The following TTC6 variants were observed in gnomAD, a reference collection of about 807,000 sequenced individuals.
TTC6 encodes the protein tetratricopeptide repeat protein 6.
TTC6 carries 172 observed loss-of-function variants against 210.4 expected under a neutral mutation model. That is an observed-to-expected ratio of 0.82 (90% CI 0.72 to 0.93). The LOEUF is 0.93. Among genes scored for constraint, TTC6 ranks in the 40% least tolerant of loss-of-function variants. The pLI, the probability that TTC6 is intolerant of heterozygous loss-of-function variation, is 0.00. For missense variants in TTC6, 2,414 were observed against 2,318.1 expected (o/e 1.04, Z -0.85); for synonymous variants, 804 against 819.6 (o/e 0.98, Z 0.32).
In TTC6 at chr14:37,795,260, C is replaced by T; in HGVS notation, c.3709-10C>T. On this transcript the variant is annotated splice_polypyrimidine_tract_variant and intron_variant, in intron 17 of 30. Coordinates refer to ENST00000553443, the Ensembl canonical transcript of TTC6. ...TATTAGGAGCTAAATTTCTGTTTCT[C>T]ACTCAACAGTTGCATAAATTGAAAA... is the stretch of plus-strand genomic sequence containing the variant. The T allele has an allele frequency of 2.0e-6, 3 of 1,523,232 alleles. 1 individual carries two copies. The highest frequency in any genetic ancestry group is 2.4e-5 in the South Asian group (2 of 82,714). The allele number at this position is 1,523,232 out of a possible 1,614,324, so 94.4% of individuals were successfully genotyped here.
At chr14:37,760,487 A>G (rs896274393) in intron 14 of TTC6, among the ~76,000 whole-genome samples, 2 of 152,184 alleles carry the variant, frequency 1.3e-5, no homozygotes, top group Non-Finnish European at 2.9e-5. Context: ...TCAGGGACCC[A>G]CTTGAGGAGG....
chr14:37,788,249 G>T (rs1466284981), intron 15 of TTC6, among the ~76,000 whole-genome samples: 2 of 152,150 alleles, frequency 1.3e-5, no homozygotes, highest in African/African-American at 2.4e-5. Context: ...TGAGCATAGA[G>T]TCAGTGCTCA....
chr14:37,837,835 AC>A (rs2096201391), intron 29 of TTC6, among the ~76,000 whole-genome samples: 1 of 152,180 alleles, frequency 6.6e-6, no homozygotes, highest in Non-Finnish European at 1.5e-5. Flanking sequence ...GTTCCATATC[AC>A]CCATGATGGA....
intron 1 of TTC6, among the ~76,000 whole-genome samples, chr14:37,626,906 C>G (rs1292889691): frequency 6.6e-6 from 1 of 152,134 alleles, no homozygotes; most frequent in African/African-American, 2.4e-5. Context: ...GAATGGGGAG[C>G]CTGTATTTCT....
chr14:37,787,816 A>G (rs2096071273), intron 15 of TTC6, among the ~76,000 whole-genome samples, 179 bp downstream of exon 17: 1 of 152,138 alleles, frequency 6.6e-6, no homozygotes, highest in South Asian at 2.1e-4. Context: ...ATATAGGTAT[A>G]CAATATATGA....
Position 37,792,776 on chromosome 14 carries a change from TTGTGTGTGTGTG to T in TTC6, c.3708+394_3708+405del, listed in dbSNP as rs34766491. Among the ~76,000 whole-genome samples the T allele has an allele frequency of 1.4e-3, 200 of 140,114 alleles. 1 individual carries two copies. Among genetic ancestry groups the T allele is most frequent in the African/African-American group, 4.1e-3 (154 of 37,368 alleles). 91.9% of individuals were successfully genotyped at this position (140,114 alleles called of 152,430 possible). ...AACAATTTGAGTCTATGGTCCAATG[TTGTGTGTGTGTG>T]TGTGTGTGTGTGTGTGTGTGTGTGT... On this transcript the variant is annotated intron_variant, in intron 17 of 30. Transcript: ENST00000553443.
chr14:37,756,383 A>G (rs150802975), intron 14 of TTC6, among the ~76,000 whole-genome samples: 175 of 152,268 alleles, frequency 1.1e-3, no homozygotes, highest in African/African-American at 1.6e-3. Context: ...TTCCAATACT[A>G]TGTTGAATAG....
chr14:37,680,912 G>A (rs775201984), intron 2 of TTC6, among the ~76,000 whole-genome samples: 27 of 152,152 alleles, frequency 1.8e-4, no homozygotes, highest in South Asian at 2.1e-4. Context: ...ACATAAAATC[G>A]TGATCATATT....
chr14:37,666,382 G>A (rs1439484289), intron 1 of TTC6, among the ~76,000 whole-genome samples: 1 of 148,650 alleles, frequency 6.7e-6, no homozygotes, highest in African/African-American at 2.4e-5. Flanking sequence ...GGTGGCTGAA[G>A]TGCGAGGATC....
chr14:37,823,692 G>A, intron 26 of TTC6, 55 bp from the exon 29 acceptor site: 2 of 1,471,168 alleles, frequency 1.4e-6, no homozygotes, highest in Non-Finnish European at 1.9e-6. Context: ...CATTGTATAT[G>A]TCACCAGAAT....
intron 10 of TTC6, among the ~76,000 whole-genome samples, chr14:37,740,120 G>T (rs1325115450): frequency 2.0e-5 from 3 of 146,486 alleles, no homozygotes; most frequent in African/African-American, 7.5e-5. Flanking sequence ...GCCGAGATGT[G>T]CCACTGCACT....
At chr14:37,648,442 T>C (rs536642027) in intron 1 of TTC6, among the ~76,000 whole-genome samples, 2 of 152,342 alleles carry the variant, frequency 1.3e-5, no homozygotes, top group East Asian at 3.9e-4. Context: ...TTACAGTATG[T>C]TTCTATACAC....
chr14:37,842,312 A>G (rs1434922057), exon 31 of TTC6: 1 of 1,570,648 alleles, frequency 6.4e-7, no homozygotes, highest in Non-Finnish European at 8.6e-7. Context: ...TGTGGTTGCT[A>G]TAGTAGTTTA....
intron 21 of TTC6, among the ~76,000 whole-genome samples, chr14:37,806,103 T>G (rs535637975): frequency 9.8e-5 from 15 of 152,316 alleles, no homozygotes; most frequent in Admixed American, 9.2e-4. Context: ...TAATTAAAAT[T>G]ATACCACCTG....
At chr14:37,617,045 T>A (rs1449455064) in intron 2 of TTC6, among the ~76,000 whole-genome samples, 21 of 151,988 alleles carry the variant, frequency 1.4e-4, no homozygotes. Context: ...CCCGGTTAAT[T>A]TTTTACTTTT....
chr14:37,801,143 A>G (rs2096105700), intron 20 of TTC6, among the ~76,000 whole-genome samples: 1 of 152,072 alleles, frequency 6.6e-6, no homozygotes, highest in South Asian at 2.1e-4. Context: ...CCTGTCACCC[A>G]TTGTATGTTG....
At chr14:37,729,909 G>T (rs1566915701) in intron 7 of TTC6, among the ~76,000 whole-genome samples, 1 of 152,180 alleles carries the variant, frequency 6.6e-6, no homozygotes. Context: ...TGTTTTAAAA[G>T]AAGTGAAATT....
chr14:37,796,081 T>C (rs1268401251), intron 18 of TTC6, among the ~76,000 whole-genome samples: 1 of 152,078 alleles, frequency 6.6e-6, no homozygotes, highest in African/African-American at 2.4e-5. Flanking sequence ...TATTTTTCTT[T>C]CAGTGTTACA....
At chr14:37,681,091 T>C (rs2095782546) in intron 2 of TTC6, among the ~76,000 whole-genome samples, 1 of 152,156 alleles carries the variant, frequency 6.6e-6, no homozygotes, top group African/African-American at 2.4e-5. Context: ...ACTGGCCTTA[T>C]GATCCAGCAT....
Sources: allele counts gnomAD v4.1 joint callset (sites outside exome capture counted in the v4.1 genomes callset), GRCh38; gene constraint gnomAD v4.1.1; transcripts MANE v1.5; gene names NCBI Gene and HGNC (gene_info 2026-07-23, HGNC 2026-07-21).